Variants in FGF12 observed in about 807,000 individuals in gnomAD.
The protein encoded by FGF12 is fibroblast growth factor 12.
FGF12 carries 14 observed loss-of-function variants against 23.6 expected under a neutral mutation model. The observed-to-expected ratio is 0.59, with a 90% CI of 0.39 to 0.93. The LOEUF is 0.93. Among genes scored for constraint, FGF12 ranks in the 40% least tolerant of loss-of-function variants. The pLI is 0.00. For missense variants in FGF12, 175 were observed against 217.8 expected, an observed-to-expected ratio of 0.80 and a Z score of 1.24; for synonymous variants, 62 against 77.3, an observed-to-expected ratio of 0.80 and a Z score of 1.04.
chr3:192,316,249 G>T, intron 4 of FGF12, among the ~76,000 whole-genome samples: 1 of 152,156 alleles, frequency 6.6e-6, no homozygotes, highest in Middle Eastern at 3.4e-3. Flanking sequence ...CTGCTAAAAC[G>T]CAAGAATGAA....
At chr3:192,238,740 G>C (rs1314529841) in intron 4 of FGF12, 1 of 152,158 alleles carries the variant, frequency 6.6e-6, no homozygotes, top group Non-Finnish European at 1.5e-5. Context: ...TCTTATGGCT[G>C]CTTCAAAGGT....
intron 4 of FGF12, among the ~76,000 whole-genome samples, chr3:192,187,665 G>A (rs1716547650): frequency 6.6e-6 from 1 of 152,120 alleles, no homozygotes; most frequent in South Asian, 2.1e-4. Context: ...CAGGACCAAG[G>A]AGAGCTTCCT....
chr3:192,486,571 G>T (rs1723639856), intron 2 of FGF12, among the ~76,000 whole-genome samples: 1 of 152,078 alleles, frequency 6.6e-6, no homozygotes, highest in Non-Finnish European at 1.5e-5. Flanking sequence ...AGTAAAAGAA[G>T]AATACTGTGG....
At chr3:192,363,744 C>T (rs749944103) in intron 2 of FGF12, among the ~76,000 whole-genome samples, 26 of 151,974 alleles carry the variant, frequency 1.7e-4, no homozygotes, top group Non-Finnish European at 3.2e-4. Context: ...ATCTCCTTTA[C>T]GATGAGGAAA....
chr3:192,482,174 T>G (rs878912417), intron 2 of FGF12, among the ~76,000 whole-genome samples: 2 of 152,148 alleles, frequency 1.3e-5, no homozygotes, highest in Admixed American at 6.5e-5. Flanking sequence ...TAGAAGAGAT[T>G]GCAACCTTAG....
intron 2 of FGF12, among the ~76,000 whole-genome samples, chr3:192,455,366 G>A (rs1224606937): frequency 6.6e-6 from 1 of 152,214 alleles, no homozygotes; most frequent in African/African-American, 2.4e-5. Context: ...GGAAGAAACT[G>A]AGAGTACAGA....
intron 4 of FGF12, among the ~76,000 whole-genome samples, chr3:192,292,659 T>C (rs1714818529): frequency 6.6e-6 from 1 of 152,210 alleles, no homozygotes; most frequent in African/African-American, 2.4e-5. Flanking sequence ...TACAATTTTC[T>C]GGCTTGTAAA....
intron 2 of FGF12, among the ~76,000 whole-genome samples, chr3:192,429,908 A>C (rs1236774149): frequency 2.6e-5 from 4 of 152,330 alleles, no homozygotes; most frequent in Admixed American, 1.3e-4. Flanking sequence ...GTATAGATAT[A>C]CCAGATGCTT....
chr3:192,441,214 T>C (rs182046589), intron 2 of FGF12, among the ~76,000 whole-genome samples: 19 of 152,352 alleles, frequency 1.2e-4, no homozygotes, highest in Non-Finnish European at 2.6e-4. Context: ...TGAGATAGTA[T>C]ACTTTAAAGC....
At chr3:192,158,572 C>CTCTT (rs375320299) in intron 5 of FGF12, among the ~76,000 whole-genome samples, 22 of 98,428 alleles carry the variant, frequency 2.2e-4, no homozygotes, top group African/African-American at 1.0e-3. Flanking sequence ...CCCTTTCTTT[C>CTCTT]TCTTTCTTTC....
At chr3:192,684,672 G>C (rs533455423) in intron 2 of FGF12, among the ~76,000 whole-genome samples, 4 of 152,284 alleles carry the variant, frequency 2.6e-5, no homozygotes, top group African/African-American at 9.6e-5. Flanking sequence ...GGGTTTAAAA[G>C]CGTATTTTGA....
At chr3:192,573,557 C>T (rs1712743375) in intron 2 of FGF12, among the ~76,000 whole-genome samples, 1 of 152,114 alleles carries the variant, frequency 6.6e-6, no homozygotes, top group Admixed American at 6.6e-5. Context: ...CAGCAGCCTA[C>T]TAGCCTTCGG....
At chr3:192,404,923 T>A (rs1720903602) in intron 2 of FGF12, among the ~76,000 whole-genome samples, 1 of 152,180 alleles carries the variant, frequency 6.6e-6, no homozygotes, top group Non-Finnish European at 1.5e-5. Flanking sequence ...AAAATAACGA[T>A]CACAATGATA....
chr3:192,533,540 AAAC>A (rs757439920), intron 2 of FGF12, among the ~76,000 whole-genome samples: 3 of 152,204 alleles, frequency 2.0e-5, no homozygotes, highest in South Asian at 2.1e-4. Context: ...GCTTAAGGAA[AAAC>A]AACAACACAC....
intron 2 of FGF12, among the ~76,000 whole-genome samples, chr3:192,676,380 A>G (rs1717327771): frequency 6.6e-6 from 1 of 152,244 alleles, no homozygotes; most frequent in Admixed American, 6.5e-5. Flanking sequence ...TATGAAATGG[A>G]AAGAGGCCTT....
intron 2 of FGF12, among the ~76,000 whole-genome samples, chr3:192,592,337 T>G (rs1395481106): frequency 4.0e-5 from 6 of 151,876 alleles, no homozygotes; most frequent in African/African-American, 7.2e-5. Flanking sequence ...TCAGACTACC[T>G]GGTTCTAGGT....
chr3:192,269,945 C>T (rs1713327716), intron 4 of FGF12, among the ~76,000 whole-genome samples: 1 of 151,888 alleles, frequency 6.6e-6, no homozygotes. Flanking sequence ...TAAAGAGAAA[C>T]AAAACTGACA....
chr3:192,717,540 G>A (rs1718902470), intron 2 of FGF12, among the ~76,000 whole-genome samples: 1 of 152,066 alleles, frequency 6.6e-6, no homozygotes, highest in African/African-American at 2.4e-5. Context: ...AGCTGGATCT[G>A]TTTAAGTTTA....
intron 5 of FGF12, among the ~76,000 whole-genome samples, chr3:192,154,929 A>T (rs919682746): frequency 7.5e-6 from 1 of 132,554 alleles, no homozygotes; most frequent in African/African-American, 2.7e-5. Flanking sequence ...GCCGCCTTGC[A>T]GTTTGATCTC....
Sources: allele counts gnomAD v4.1 joint callset (sites outside exome capture counted in the v4.1 genomes callset), GRCh38; gene constraint gnomAD v4.1.1; transcripts MANE v1.5; gene names NCBI Gene and HGNC (gene_info 2026-07-23, HGNC 2026-07-21).